PCLO: variants seen among roughly 807,000 people sequenced by gnomAD.
PCLO encodes the protein piccolo presynaptic cytomatrix protein.
A neutral mutation model predicts 427.5 loss-of-function variants in PCLO; 82 were observed. That is an observed-to-expected ratio of 0.19 (90% CI 0.16 to 0.23). PCLO has a LOEUF of 0.23. Ranked by LOEUF, PCLO falls within the 10% of genes least tolerant of loss-of-function variation. The probability of loss-of-function intolerance (pLI) is 1.00; values close to 1 mark genes in which losing one functional copy is unlikely to be tolerated. For synonymous variants in PCLO, 2,357 were observed against 2,155.4 expected, an observed-to-expected ratio of 1.09 and a Z score of -2.59; for missense variants, 6,239 against 6,115.9, an observed-to-expected ratio of 1.02 and a Z score of -0.67.
chr7:83,136,782 T>C (rs2116624457), intron 2 of PCLO, among the ~76,000 whole-genome samples: 1 of 152,234 alleles, frequency 6.6e-6, no homozygotes, highest in African/African-American at 2.4e-5. Flanking sequence ...TGTATATATA[T>C]GAGATATACA....
At chr7:82,825,899 TC>T (rs918897710) in intron 18 of PCLO, among the ~76,000 whole-genome samples, 4 of 148,546 alleles carry the variant, frequency 2.7e-5, no homozygotes, top group African/African-American at 4.9e-5. Context: ...CATATAATAT[TC>T]CTATATATAA....
intron 22 of PCLO, among the ~76,000 whole-genome samples, chr7:82,785,371 C>T (rs1012821508): frequency 6.6e-6 from 1 of 152,130 alleles, no homozygotes; most frequent in African/African-American, 2.4e-5. Context: ...CGCTTGGCTG[C>T]CACTCACCTC....
chr7:82,823,476 A>G (rs540063746), intron 19 of PCLO, among the ~76,000 whole-genome samples: 2 of 152,300 alleles, frequency 1.3e-5, no homozygotes, highest in Admixed American at 1.3e-4. Flanking sequence ...ATAGTTCAGT[A>G]TATCTAGGTA....
At chr7:83,000,521 G>A (rs193072030) in intron 3 of PCLO, among the ~76,000 whole-genome samples, 13 of 152,084 alleles carry the variant, frequency 8.5e-5, no homozygotes, top group African/African-American at 2.2e-4. Flanking sequence ...GGATGTGCGG[G>A]ATGTGGGGGA....
rs903528545 is a variant in PCLO, at chr7:82,756,700, T to G, written c.*1875A>C. On this transcript the variant is annotated 3_prime_UTR_variant, in exon 25 of 25. Coordinates refer to ENST00000333891, the MANE Select transcript of PCLO (RefSeq NM_033026.6). Reference sequence around the variant, plus strand: ...TCTAATTCCACTAACACTTCACCCTTAAATAAAGCAGCAGGTTTTAAGCTC... The same window carrying G: ...TCTAATTCCACTAACACTTCACCCTGAAATAAAGCAGCAGGTTTTAAGCTC... 6.6e-6 allele frequency: 1 copy of G among 152,024 alleles called. No individual in the cohort carries two copies. Among genetic ancestry groups the G allele is most frequent in the African/African-American group, 2.4e-5 (1 of 41,430 alleles). 9.4% of individuals were successfully genotyped at this position (152,024 alleles called of 1,614,324 possible).
intron 13 of PCLO, among the ~76,000 whole-genome samples, 169 bp downstream of exon 13, chr7:82,845,102 G>T (rs944248910): frequency 6.6e-6 from 1 of 152,020 alleles, no homozygotes; most frequent in Non-Finnish European, 1.5e-5. Flanking sequence ...GATACATCTT[G>T]ATCAGTTTTG....
At chr7:83,014,926 G>C (rs529507686) in intron 3 of PCLO, among the ~76,000 whole-genome samples, 1 of 152,194 alleles carries the variant, frequency 6.6e-6, no homozygotes, top group African/African-American at 2.4e-5. Context: ...AATTATAGTA[G>C]GGAACACTTT....
At chr7:82,827,607 T>A (rs1222900321) in intron 17 of PCLO, among the ~76,000 whole-genome samples, 13 of 152,118 alleles carry the variant, frequency 8.5e-5, no homozygotes, top group African/African-American at 3.1e-4. Context: ...TTTTAAATTC[T>A]GAAATAACAA....
At chr7:83,114,194 A>G (rs1217830462) in intron 3 of PCLO, among the ~76,000 whole-genome samples, 1 of 152,148 alleles carries the variant, frequency 6.6e-6, no homozygotes, top group Admixed American at 6.6e-5. Context: ...TACCATGTGC[A>G]GGCATTTTGA....
intron 24 of PCLO, 45 bp from the exon 25 acceptor site, chr7:82,758,760 A>G (rs1254454025): frequency 4.6e-5 from 52 of 1,125,674 alleles, no homozygotes; most frequent in Non-Finnish European, 6.7e-5. Flanking sequence ...TTATACACAT[A>G]TACATGTGTA....
chr7:82,935,583 G>C (rs1794933282), intron 6 of PCLO, among the ~76,000 whole-genome samples: 1 of 151,392 alleles, frequency 6.6e-6, no homozygotes. Context: ...TCTACACAAA[G>C]ATAAGTTTAA....
chr7:83,000,207 T>A (rs1355598856), intron 3 of PCLO, among the ~76,000 whole-genome samples: 1 of 150,766 alleles, frequency 6.6e-6, no homozygotes, highest in East Asian at 2.0e-4. Context: ...AATAATTACA[T>A]CTCACATTTC....
chr7:82,768,385 T>G (rs1015908866), intron 22 of PCLO, among the ~76,000 whole-genome samples: 4 of 150,572 alleles, frequency 2.7e-5, no homozygotes, highest in African/African-American at 9.8e-5. Context: ...ATCATGCCAC[T>G]GCATTCCAGC....
intron 3 of PCLO, among the ~76,000 whole-genome samples, chr7:83,027,906 AC>A (rs1388435885): frequency 2.3e-5 from 3 of 130,308 alleles, no homozygotes; most frequent in East Asian, 4.3e-4. Flanking sequence ...AAATTCAACA[AC>A]CCTTCATGCT....
rs182636921 is a variant in PCLO, at chr7:82,815,862, G to A, written c.14791+6633C>T. ...CTGTTCAAATTATAATTAAATTAAC[G>A]AATTATACTTTTCAGTATCTAAAAC... On this transcript the variant is annotated intron_variant, in intron 20 of 24. Transcript: ENST00000333891. Among the ~76,000 whole-genome samples, 292 of 152,020 alleles carry A rather than the reference G, an allele frequency of 1.9e-3. 3 individuals carry two copies. Among genetic ancestry groups the A allele is most frequent in the Non-Finnish European group, 1.6e-3 (109 of 67,966 alleles).
rs2116415412 is a variant in PCLO, at chr7:82,949,482, G to T, written c.11106C>A (p.Gly3702=). ...SSRAPFQYTE[G]YTTKGSQTMT... is the part of the protein sequence containing the mutation. ...TGAAAAGAATCACTCTTACCGTATAGCCCTCGGTATACTGAAAAGGAGCCC... is the reference window on the plus strand; with the variant it reads ...TGAAAAGAATCACTCTTACCGTATATCCCTCGGTATACTGAAAAGGAGCCC... Residue 3702 remains glycine (G), a synonymous_variant, in exon 6 of 25, where the codon GGC becomes GGA. Transcript: ENST00000333891. 6.3e-7 allele frequency: 1 copy of T among 1,594,036 alleles called. No homozygotes were observed. The highest frequency in any genetic ancestry group is 1.1e-5 in the South Asian group (1 of 87,818).
At chr7:83,160,086 G>A (rs967905142) in intron 1 of PCLO, among the ~76,000 whole-genome samples, 3 of 152,058 alleles carry the variant, frequency 2.0e-5, no homozygotes, top group African/African-American at 4.8e-5. Context: ...TGCTGATACC[G>A]ATATTGCCAC....
At chr7:83,103,417 C>A (rs1236207198) in intron 3 of PCLO, among the ~76,000 whole-genome samples, 1 of 151,828 alleles carries the variant, frequency 6.6e-6, no homozygotes, top group African/African-American at 2.4e-5. Context: ...ACCAATAAGA[C>A]CTTCAGGGAT....
At chr7:82,940,977 T>A (rs1375561356) in intron 6 of PCLO, among the ~76,000 whole-genome samples, 1 of 151,926 alleles carries the variant, frequency 6.6e-6, no homozygotes, top group Admixed American at 6.6e-5. Flanking sequence ...TTAGCCAGGA[T>A]GATCTTGATC....
Sources: gnomAD v4.1 joint callset for allele counts (sites outside exome capture counted in the v4.1 genomes callset) on GRCh38, gnomAD v4.1.1 for gene constraint, MANE v1.5 for transcripts, NCBI Gene and HGNC (gene_info 2026-07-23, HGNC 2026-07-21) for gene names.